Variants in RBFOX1 observed in about 807,000 individuals in gnomAD.
RBFOX1 encodes RNA binding fox-1 homolog 1, also known as RNA binding protein fox-1 homolog 1.
In RBFOX1, 8 loss-of-function variants were observed where a neutral mutation model predicts 57.7. That is an observed-to-expected ratio of 0.14 (90% CI 0.08 to 0.25). The LOEUF (loss-of-function observed/expected upper bound fraction) is 0.25, where lower values mean the gene tolerates loss of function less well. RBFOX1 is among the 10% of genes least tolerant of loss of function. The pLI, the probability that RBFOX1 is intolerant of heterozygous loss-of-function variation, is 1.00. For missense variants in RBFOX1, 611 were observed against 548.5 expected (o/e 1.11, Z -1.14); for synonymous variants, 326 against 222.4 (o/e 1.47, Z -4.15).
intron 2 of RBFOX1, among the ~76,000 whole-genome samples, chr16:6,616,774 T>C (rs1601640671): frequency 6.6e-6 from 1 of 152,218 alleles, no homozygotes; most frequent in African/African-American, 2.4e-5. Flanking sequence ...AGGGCTTTTC[T>C]GACAAGAGTG....
At chr16:6,507,147 C>G (rs1322538855) in intron 2 of RBFOX1, among the ~76,000 whole-genome samples, 1 of 152,142 alleles carries the variant, frequency 6.6e-6, no homozygotes, top group Non-Finnish European at 1.5e-5. Flanking sequence ...CAGCATCGTT[C>G]CTCACCTCCA....
chr16:7,415,545 C>T (rs959614453), intron 4 of RBFOX1, among the ~76,000 whole-genome samples: 3 of 152,148 alleles, frequency 2.0e-5, no homozygotes, highest in African/African-American at 7.2e-5. Flanking sequence ...TTGAAACCCA[C>T]CTGTCCACTT....
At chr16:5,576,051 A>T (rs1299784145) in intron 2 of RBFOX1, among the ~76,000 whole-genome samples, 1 of 151,960 alleles carries the variant, frequency 6.6e-6, no homozygotes, top group Admixed American at 6.6e-5. Context: ...CAGTGGTGCA[A>T]TCTTGGCTTA....
chr16:6,783,173 A>T (rs534939232), intron 3 of RBFOX1, among the ~76,000 whole-genome samples: 13 of 121,494 alleles, frequency 1.1e-4, no homozygotes, highest in East Asian at 2.5e-4. Context: ...GGGTCTTTTT[A>T]AAAAAAAATT....
intron 3 of RBFOX1, among the ~76,000 whole-genome samples, chr16:6,657,959 C>G (rs1275835445): frequency 1.3e-5 from 2 of 152,082 alleles, no homozygotes; most frequent in Non-Finnish European, 2.9e-5. Context: ...GGCTTTCTGT[C>G]TACTTCGTTT....
intron 1 of RBFOX1, among the ~76,000 whole-genome samples, chr16:6,171,908 G>C (rs527975790): frequency 1.3e-5 from 2 of 152,092 alleles, no homozygotes; most frequent in Admixed American, 1.3e-4. Context: ...TGTGACCTCT[G>C]CCTCCTGGGT....
At chr16:6,914,632 G>A (rs770009795) in intron 3 of RBFOX1, among the ~76,000 whole-genome samples, 2 of 152,086 alleles carry the variant, frequency 1.3e-5, no homozygotes, top group Non-Finnish European at 2.9e-5. Context: ...GCAGCACTTT[G>A]GGAGGCTGAG....
intron 3 of RBFOX1, among the ~76,000 whole-genome samples, chr16:6,750,354 A>C (rs752994268): frequency 6.6e-6 from 1 of 152,226 alleles, no homozygotes; most frequent in Non-Finnish European, 1.5e-5. Flanking sequence ...TAGATGCCTT[A>C]TTATGGTATT....
intron 3 of RBFOX1, among the ~76,000 whole-genome samples, chr16:6,963,744 G>A (rs1448163768): frequency 2.0e-5 from 3 of 152,036 alleles, no homozygotes. Flanking sequence ...TGTTGCCCAG[G>A]CTGGAGTGCA....
chr16:7,236,654 G>A (rs1176255258), intron 4 of RBFOX1, among the ~76,000 whole-genome samples: 1 of 152,040 alleles, frequency 6.6e-6, no homozygotes, highest in African/African-American at 2.4e-5. Context: ...GTGGCTTTTA[G>A]TAGTTGTTTG....
chr16:7,459,789 C>T (rs1280604404), intron 4 of RBFOX1, among the ~76,000 whole-genome samples: 1 of 152,090 alleles, frequency 6.6e-6, no homozygotes, highest in East Asian at 1.9e-4. Flanking sequence ...TGGGATTTAA[C>T]TTTTATTCTG....
intron 1 of RBFOX1, among the ~76,000 whole-genome samples, chr16:6,041,603 G>C (rs933533168): frequency 6.6e-6 from 1 of 152,152 alleles, no homozygotes; most frequent in Admixed American, 6.5e-5. Flanking sequence ...ATAAGTGGCA[G>C]AGCCAGGATG....
In RBFOX1 at chr16:7,554,418, C is replaced by T. The variant is rs562939660; in HGVS notation, c.271-25359C>T. Among the ~76,000 whole-genome samples, 2 of 152,202 alleles carry T rather than the reference C, an allele frequency of 1.3e-5. 1 individual carries two copies. Among genetic ancestry groups the T allele is most frequent in the South Asian group, 4.1e-4 (2 of 4,832 alleles). Reference sequence around the variant, plus strand: ...ACCTGAGCACAGAGAGGTCAGTTAACATACTCAAGGTTGCACTGCATGTGG... The same window carrying T: ...ACCTGAGCACAGAGAGGTCAGTTAATATACTCAAGGTTGCACTGCATGTGG... On this transcript the variant is annotated intron_variant, in intron 5 of 15. Coordinates refer to ENST00000550418, the MANE Select transcript of RBFOX1 (RefSeq NM_018723.4).
intron 4 of RBFOX1, among the ~76,000 whole-genome samples, chr16:7,375,870 C>G (rs140940395): frequency 6.6e-6 from 1 of 152,218 alleles, no homozygotes; most frequent in East Asian, 1.9e-4. Context: ...GAAAAGTAAT[C>G]TTTGATATGA....
chr16:6,690,652 C>G (rs182025383), intron 3 of RBFOX1, among the ~76,000 whole-genome samples: 2 of 151,956 alleles, frequency 1.3e-5, no homozygotes, highest in Non-Finnish European at 2.9e-5. Flanking sequence ...GAATCATAAA[C>G]CTCTGCTTTT....
In RBFOX1 at chr16:6,180,508, C is replaced by CT. The variant is rs34627599; in HGVS notation, c.-126-136476dup. Among the ~76,000 whole-genome samples the CT allele has an allele frequency of 5.8e-4, 83 of 143,362 alleles. No homozygotes were observed. The East Asian group carries it at 7.2e-3, about 12-fold the overall frequency. The allele number at this position is 143,362 out of a possible 152,430, so 94.1% of individuals were successfully genotyped here. A position where few individuals can be genotyped will look rare whatever the true frequency, so the allele number is the denominator to read the frequency against. On this transcript the variant is annotated intron_variant, in intron 1 of 15. Transcript: ENST00000550418. ...TTCTGATTTTGGTAATTTGAGTTTTCTTTTTTTTTTTCTTGGTCATTCTCG... is the reference window on the plus strand; with the variant it reads ...TTCTGATTTTGGTAATTTGAGTTTTCTTTTTTTTTTTTCTTGGTCATTCTCG...
At chr16:6,846,784 C>T (rs561796646) in intron 3 of RBFOX1, among the ~76,000 whole-genome samples, 2 of 152,168 alleles carry the variant, frequency 1.3e-5, no homozygotes, top group South Asian at 4.1e-4. Flanking sequence ...TGGCCACTTT[C>T]TTATTTTTTA....
chr16:5,902,668 G>A (rs1394928418), intron 4 of RBFOX1, among the ~76,000 whole-genome samples: 1 of 152,042 alleles, frequency 6.6e-6, no homozygotes, highest in South Asian at 2.1e-4. Context: ...TGCATACCTC[G>A]GCCTCCCAAA....
chr16:7,005,632 C>G (rs62016454), intron 3 of RBFOX1, among the ~76,000 whole-genome samples: 17,417 of 152,190 alleles, frequency 0.11, 1,052 homozygotes, highest in East Asian at 0.18. Context: ...CACAGATAGA[C>G]TTTGGTGTTG....
Sources: gnomAD v4.1 joint callset for allele counts (sites outside exome capture counted in the v4.1 genomes callset) on GRCh38, gnomAD v4.1.1 for gene constraint, MANE v1.5 for transcripts, NCBI Gene and HGNC (gene_info 2026-07-23, HGNC 2026-07-21) for gene names.